The following NTNG1 variants were observed in gnomAD, a reference collection of about 807,000 sequenced individuals.
NTNG1 encodes the protein netrin G1.
Under a neutral mutation model 54.0 loss-of-function variants are expected in NTNG1, and 16 were observed. The ratio of observed to expected loss-of-function variants is 0.30; its 90% CI spans 0.20 to 0.45. NTNG1 has a LOEUF of 0.45. Among genes scored for constraint, NTNG1 ranks in the 20% least tolerant of loss-of-function variants. NTNG1 has a pLI of 1.00. For missense variants in NTNG1, 530 were observed against 678.7 expected (o/e 0.78, Z 2.43); for synonymous variants, 255 against 263.1 (o/e 0.97, Z 0.30).
chr1:107,476,055 A>G (rs1166949008), intron 7 of NTNG1, among the ~76,000 whole-genome samples: 1 of 152,178 alleles, frequency 6.6e-6, no homozygotes, highest in East Asian at 1.9e-4. Context: ...AAGAACATGC[A>G]ATGTTTATTT....
chr1:107,237,867 G>A (rs1228401772), intron 2 of NTNG1, among the ~76,000 whole-genome samples: 1 of 152,200 alleles, frequency 6.6e-6, no homozygotes, highest in East Asian at 1.9e-4. Context: ...TTTGCTGCAG[G>A]GATGGGACCC....
chr1:107,273,182 A>AG (rs1206138796), intron 2 of NTNG1, among the ~76,000 whole-genome samples: 1 of 152,072 alleles, frequency 6.6e-6, no homozygotes, highest in Non-Finnish European at 1.5e-5. Flanking sequence ...ACATCAAGGT[A>AG]GGGGGGTCCT....
At chr1:107,388,182 A>G (rs1464419920) in intron 3 of NTNG1, among the ~76,000 whole-genome samples, 1 of 152,206 alleles carries the variant, frequency 6.6e-6, no homozygotes, top group Non-Finnish European at 1.5e-5. Context: ...AATGAATCAG[A>G]CAGCCCAAGT....
chr1:107,421,939 T>A (rs1386377238), intron 5 of NTNG1, among the ~76,000 whole-genome samples: 2 of 152,098 alleles, frequency 1.3e-5, no homozygotes, highest in Non-Finnish European at 2.9e-5. Context: ...ATTAATAAAA[T>A]CTGAACTTAG....
At chr1:107,378,228 G>C (rs747153986) in intron 3 of NTNG1, among the ~76,000 whole-genome samples, 1 of 152,180 alleles carries the variant, frequency 6.6e-6, no homozygotes, top group Non-Finnish European at 1.5e-5. Flanking sequence ...AGGAACTCCT[G>C]GGTCAGCAGC....
intron 2 of NTNG1, among the ~76,000 whole-genome samples, chr1:107,199,284 T>C (rs1282831292): frequency 6.6e-6 from 1 of 151,434 alleles, no homozygotes; most frequent in Non-Finnish European, 1.5e-5. Context: ...ACTTCTTTTT[T>C]TTTTCTATTC....
At chr1:107,322,858 T>C (rs1211936255) in intron 2 of NTNG1, among the ~76,000 whole-genome samples, 5 of 152,086 alleles carry the variant, frequency 3.3e-5, no homozygotes, top group Non-Finnish European at 7.4e-5. Context: ...ACAATTATAC[T>C]TGAATCTCCA....
At chr1:107,363,382 T>TG (rs1181114611) in intron 3 of NTNG1, among the ~76,000 whole-genome samples, 1 of 152,120 alleles carries the variant, frequency 6.6e-6, no homozygotes. Context: ...ATGAGGAAAC[T>TG]GGGGGGTCAT....
intron 2 of NTNG1, among the ~76,000 whole-genome samples, chr1:107,248,933 G>C (rs1662379547): frequency 6.6e-6 from 1 of 151,020 alleles, no homozygotes; most frequent in African/African-American, 2.4e-5. Flanking sequence ...CGGATCATCT[G>C]AGGTCAGGAG....
Position 107,324,728 on chromosome 1 carries a change from T to G in NTNG1, c.693T>G (p.Phe231Leu), listed in dbSNP as rs1667848059. The change falls in exon 3 of 8, where the codon TTT becomes TTG. Residue 231 changes from phenylalanine (F) to leucine (L), a missense_variant. Phe to Leu is a conservative substitution (Grantham distance 22). This residue lies in a region of NTNG1 where 318 missense variants were observed against 465.1 expected (regional missense o/e 0.68). Transcript: ENST00000370068. ...TTGAAATCAAAGACAGGTTCGCGTT[T>G]TTTGCTGGACCTCGCCTACGCAATA... ...IHFEIKDRFA[F>L]FAGPRLRNMA... 6.2e-7 allele frequency: 1 copy of G among 1,613,486 alleles called. No individual in the cohort carries two copies. The highest frequency in any genetic ancestry group is 1.1e-5 in the South Asian group (1 of 91,070).
intron 2 of NTNG1, among the ~76,000 whole-genome samples, chr1:107,296,186 A>G (rs1289289499): frequency 2.0e-5 from 3 of 152,146 alleles, no homozygotes; most frequent in African/African-American, 7.2e-5. Context: ...TCCTGCACCA[A>G]TATTCCAAAA....
At chr1:107,332,305 A>T (rs1668328458) in intron 3 of NTNG1, among the ~76,000 whole-genome samples, 1 of 150,362 alleles carries the variant, frequency 6.7e-6, no homozygotes, top group Admixed American at 6.6e-5. Flanking sequence ...CCCTAGTGCC[A>T]TAGATTTTTT....
intron 1 of NTNG1, among the ~76,000 whole-genome samples, chr1:107,142,042 T>C (rs1653769397): frequency 1.3e-5 from 2 of 152,070 alleles, no homozygotes; most frequent in Non-Finnish European, 2.9e-5. Context: ...GAAAGGGAAA[T>C]TGAAAGAGGA....
chr1:107,195,999 C>T (rs1015691983), intron 2 of NTNG1, among the ~76,000 whole-genome samples: 1 of 151,946 alleles, frequency 6.6e-6, no homozygotes, highest in Non-Finnish European at 1.5e-5. Flanking sequence ...AGAATGTAAG[C>T]CTCATGGAGG....
intron 7 of NTNG1, among the ~76,000 whole-genome samples, chr1:107,462,815 T>C (rs1677360051): frequency 1.3e-5 from 2 of 152,252 alleles, no homozygotes; most frequent in Admixed American, 1.3e-4. Flanking sequence ...TTGGTACCTA[T>C]TCTCATCTTC....
chr1:107,175,325 A>G (rs886966446), intron 2 of NTNG1, among the ~76,000 whole-genome samples: 6 of 152,206 alleles, frequency 3.9e-5, no homozygotes, highest in Non-Finnish European at 8.8e-5. Context: ...TTAGAATTCA[A>G]CAGCCTGCAA....
chr1:107,330,373 C>T (rs1429935164), intron 3 of NTNG1, among the ~76,000 whole-genome samples: 2 of 152,162 alleles, frequency 1.3e-5, no homozygotes, highest in Non-Finnish European at 2.9e-5. Context: ...ACTGTGCAGA[C>T]TGGAAAGCTA....
chr1:107,480,689 C>T lies in NTNG1; in HGVS notation c.1469C>T (p.Ala490Val), dbSNP rs371989097. The stretch of plus-strand genomic sequence containing the variant: ...AACAACGTGCGCTGCCTGTGCCCGG[C>T]CGCATACACGGGCATCCTCTGCGAG... ...CHNNVRCLCP[A>V]AYTGILCEKL... is the part of the protein sequence containing the mutation. Residue 490 changes from alanine to valine, a missense_variant, in exon 8 of 8, where the codon GCC (alanine) becomes GTC (valine). Physicochemically the swap from Ala to Val is moderately conservative, Grantham distance 64. Around this residue, in one of 2 missense-constraint regions of NTNG1, gnomAD observed 212 missense variants for 213.6 expected, o/e 0.99. Transcript: ENST00000370068. The T allele has an allele frequency of 6.2e-7, 1 of 1,610,702 alleles. No homozygotes were observed. The highest frequency in any genetic ancestry group is 1.3e-5 in the African/African-American group (1 of 74,890).
intron 5 of NTNG1, among the ~76,000 whole-genome samples, chr1:107,418,165 G>A (rs761129523): frequency 8.4e-4 from 128 of 152,088 alleles, no homozygotes; most frequent in African/African-American, 3.0e-3. Flanking sequence ...CATGAAAGAC[G>A]AATGCAACCA....
Sources: gnomAD v4.1 joint callset for allele counts (sites outside exome capture counted in the v4.1 genomes callset) on GRCh38, gnomAD v4.1.1 for gene constraint, gnomAD v4.1.1 regional missense constraint, MANE v1.5 for transcripts, NCBI Gene and HGNC (gene_info 2026-07-23, HGNC 2026-07-21) for gene names.